STX18: variants seen among roughly 807,000 people sequenced by gnomAD.
The protein encoded by STX18 is syntaxin 18.
A neutral mutation model predicts 50.1 loss-of-function variants in STX18; 40 were observed. That is an observed-to-expected ratio of 0.80 (90% CI 0.62 to 1.04). The LOEUF (loss-of-function observed/expected upper bound fraction) is 1.04, where lower values mean the gene tolerates loss of function less well. Ranked by LOEUF, STX18 falls within the 50% of genes least tolerant of loss-of-function variation. The pLI, the probability that STX18 is intolerant of heterozygous loss-of-function variation, is 0.00. For missense variants in STX18, 410 were observed against 415.8 expected, an observed-to-expected ratio of 0.99 and a Z score of 0.12; for synonymous variants, 158 against 151.8, an observed-to-expected ratio of 1.04 and a Z score of -0.30.
intron 7 of STX18, among the ~76,000 whole-genome samples, chr4:4,428,340 G>A (rs1018972304): frequency 5.9e-5 from 9 of 152,198 alleles, no homozygotes; most frequent in Non-Finnish European, 1.0e-4. Flanking sequence ...GCAAAGTCAC[G>A]GCTGGACTTC....
intron 1 of STX18, chr4:4,481,710 GAACT>G (rs1311402702): frequency 6.6e-6 from 1 of 152,150 alleles, no homozygotes; most frequent in Non-Finnish European, 1.5e-5. Context: ...TAAAAGTTCA[GAACT>G]AACACACCTC....
At chr4:4,513,515 C>T (rs1730100951) in intron 1 of STX18, among the ~76,000 whole-genome samples, 1 of 152,144 alleles carries the variant, frequency 6.6e-6, no homozygotes, top group African/African-American at 2.4e-5. Flanking sequence ...TGGTCATGGC[C>T]CTCACTGCTC....
chr4:4,526,437 T>C (rs943973379), intron 1 of STX18, among the ~76,000 whole-genome samples: 13 of 152,180 alleles, frequency 8.5e-5, no homozygotes, highest in African/African-American at 2.9e-4. Flanking sequence ...CAGATGTAAC[T>C]GCAAAAATGG....
intron 2 of STX18, among the ~76,000 whole-genome samples, chr4:4,470,816 C>T (rs573604599): frequency 1.3e-5 from 2 of 152,192 alleles, no homozygotes; most frequent in South Asian, 2.1e-4. Flanking sequence ...CGTGGGAAGG[C>T]GGTGTTTGAA....
intron 1 of STX18, among the ~76,000 whole-genome samples, chr4:4,520,007 A>G (rs543202562): frequency 6.6e-6 from 1 of 152,304 alleles, no homozygotes; most frequent in African/African-American, 2.4e-5. Context: ...TTCTACTTAA[A>G]CCTGTTCATA....
chr4:4,513,058 A>G lies in STX18; in HGVS notation c.168+28739T>C, dbSNP rs192813304. ...ATACATATCAAACGGACATAAGGGTATTCAATTTAGAATTTAAAGAAGGAA... is the reference window on the plus strand; with the variant it reads ...ATACATATCAAACGGACATAAGGGTGTTCAATTTAGAATTTAAAGAAGGAA... On this transcript the variant is annotated intron_variant, in intron 1 of 10. Coordinates refer to ENST00000306200, the MANE Select transcript of STX18 (RefSeq NM_016930.4). 2.0e-5 allele frequency among the ~76,000 whole-genome samples: 3 copies of G among 152,306 alleles called. No individual in the cohort carries two copies. In the East Asian group the frequency reaches 5.8e-4, roughly 29 times the overall value.
chr4:4,509,453 A>G (rs1227880490), intron 1 of STX18, among the ~76,000 whole-genome samples: 1 of 151,722 alleles, frequency 6.6e-6, no homozygotes, highest in Non-Finnish European at 1.5e-5. Flanking sequence ...GACTCTGGAT[A>G]TTAGACCCTT....
At position 4,420,600 on chromosome 4, in the gene STX18, C is replaced by T. The variant is rs2108765905; in HGVS notation, c.912+264G>A. The T allele has an allele frequency of 2.0e-6, 1 of 504,120 alleles. No homozygotes were observed. Among genetic ancestry groups the T allele is most frequent in the African/African-American group, 1.9e-5 (1 of 51,500 alleles). 31.2% of individuals were successfully genotyped at this position (504,120 alleles called of 1,614,324 possible). A position where few individuals can be genotyped will look rare whatever the true frequency, so the allele number is the denominator to read the frequency against. On this transcript the variant is annotated intron_variant, in intron 10 of 10. Coordinates refer to ENST00000306200, the MANE Select transcript of STX18 (RefSeq NM_016930.4). The surrounding 1 kb of genome is among the most constrained non-coding windows in gnomAD (Gnocchi z 4.3). ...ACATCCCTGGACATGAAGAGCTGGC[C>T]TGACCCTGCCAGGAGTACCCCCACC...
chr4:4,474,260 A>C (rs1383190984), intron 1 of STX18, among the ~76,000 whole-genome samples: 1 of 152,198 alleles, frequency 6.6e-6, no homozygotes, highest in African/African-American at 2.4e-5. Context: ...ACTAGTTCAT[A>C]AACTGATTTC....
intron 1 of STX18, among the ~76,000 whole-genome samples, chr4:4,516,612 C>T (rs997386066): frequency 1.3e-5 from 2 of 152,130 alleles, no homozygotes; most frequent in African/African-American, 4.8e-5. Context: ...GAAACATCAA[C>T]ATTCTGCATT....
chr4:4,531,708 T>C (rs759799628), intron 1 of STX18, among the ~76,000 whole-genome samples: 5 of 152,238 alleles, frequency 3.3e-5, no homozygotes, highest in African/African-American at 4.8e-5. Context: ...CTTTCCTAAG[T>C]AGACTGCCTC....
rs2108764235 is a variant in STX18, at chr4:4,419,593, G to C, written c.*441C>G. 1 of 155,326 alleles carries C rather than the reference G, an allele frequency of 6.4e-6. No homozygotes were observed. Among genetic ancestry groups the C allele is most frequent in the South Asian group, 2.0e-4 (1 of 4,986 alleles). 9.6% of individuals were successfully genotyped at this position (155,326 alleles called of 1,614,324 possible). ...AGACAAGAAGCCACAAGGAAACAAAGAAGTAATCATTTGTTGAGAGACGTT... is the reference window on the plus strand; with the variant it reads ...AGACAAGAAGCCACAAGGAAACAAACAAGTAATCATTTGTTGAGAGACGTT... On this transcript the variant is annotated 3_prime_UTR_variant, in exon 11 of 11. Transcript: ENST00000306200.
chr4:4,430,667 G>A (rs1477020223), intron 7 of STX18, among the ~76,000 whole-genome samples: 1 of 152,208 alleles, frequency 6.6e-6, no homozygotes, highest in Non-Finnish European at 1.5e-5. Flanking sequence ...TGTGGGGAGA[G>A]GAGCCGTACT....
intron 1 of STX18, among the ~76,000 whole-genome samples, chr4:4,484,758 C>T (rs1304560198): frequency 6.6e-6 from 1 of 152,320 alleles, no homozygotes; most frequent in South Asian, 2.1e-4. Flanking sequence ...TCCAAAACTA[C>T]ACAATAGGCT....
intron 6 of STX18, among the ~76,000 whole-genome samples, chr4:4,436,422 G>A (rs1577320105): frequency 7.7e-6 from 1 of 130,206 alleles, no homozygotes; most frequent in Non-Finnish European, 1.6e-5. Flanking sequence ...CCCACCTTAT[G>A]AGCTGTCTCC....
At chr4:4,451,793 A>G (rs1199311988) in intron 5 of STX18, among the ~76,000 whole-genome samples, 2 of 152,068 alleles carry the variant, frequency 1.3e-5, no homozygotes, top group African/African-American at 4.8e-5. Flanking sequence ...ATTCCTAGAG[A>G]CATAACACAG....
At chr4:4,440,561 A>C (rs908459752) in intron 5 of STX18, among the ~76,000 whole-genome samples, 2 of 152,178 alleles carry the variant, frequency 1.3e-5, no homozygotes, top group Admixed American at 1.3e-4. Flanking sequence ...CAGTCTGAGA[A>C]AGCTGAGTCA....
At position 4,471,571 on chromosome 4, in the gene STX18, C is replaced by T. The variant is rs940369340; in HGVS notation, c.236+68G>A. On this transcript the variant is annotated intron_variant, in intron 2 of 10. Transcript: ENST00000306200. ...TTAAGAAAAAGGTGAGGGCAAAAAG[C>T]GCAAAAGAAATATAGGTGTAGAAAA... is the stretch of plus-strand genomic sequence containing the variant. 3.8e-5 allele frequency: 42 copies of T among 1,097,822 alleles called. No homozygotes were observed. In the African/African-American group the frequency reaches 4.8e-4, roughly 13 times the overall value. 68.0% of individuals were successfully genotyped at this position (1,097,822 alleles called of 1,614,324 possible).
intron 1 of STX18, among the ~76,000 whole-genome samples, chr4:4,484,270 T>C (rs1466755128): frequency 1.3e-5 from 2 of 152,206 alleles, no homozygotes; most frequent in Non-Finnish European, 2.9e-5. Context: ...GTTTCCAGAA[T>C]AGAATCAATA....
Sources: allele counts gnomAD v4.1 joint callset (sites outside exome capture counted in the v4.1 genomes callset), GRCh38; gene constraint gnomAD v4.1.1; non-coding constraint Gnocchi (gnomAD v3.1); transcripts MANE v1.5; gene names NCBI Gene and HGNC (gene_info 2026-07-23, HGNC 2026-07-21).